GRM1: variants seen among roughly 807,000 people sequenced by gnomAD.
GRM1 encodes metabotropic glutamate receptor 1.
Under a neutral mutation model 90.9 loss-of-function variants are expected in GRM1, and 33 were observed. The ratio of observed to expected loss-of-function variants is 0.36; its 90% CI spans 0.28 to 0.49. The LOEUF (loss-of-function observed/expected upper bound fraction) is 0.49. GRM1 is among the 20% of genes least tolerant of loss of function. The pLI is 0.99. For synonymous variants in GRM1, 700 were observed against 613.2 expected, an observed-to-expected ratio of 1.14 and a Z score of -2.09; for missense variants, 1,190 against 1,534.3, an observed-to-expected ratio of 0.78 and a Z score of 3.75.
chr6:146,076,704 G>A (rs1194093194), intron 1 of GRM1, among the ~76,000 whole-genome samples: 1 of 152,140 alleles, frequency 6.6e-6, no homozygotes, highest in East Asian at 1.9e-4. Context: ...GGAGAGGTTG[G>A]ATGGTCAGTT....
At chr6:146,336,763 C>A (rs1784783934) in intron 3 of GRM1, among the ~76,000 whole-genome samples, 1 of 152,190 alleles carries the variant, frequency 6.6e-6, no homozygotes, top group African/African-American at 2.4e-5. Context: ...GACACAGTCC[C>A]ATCTTGAACC....
At chr6:146,062,673 A>G (rs1412912790) in intron 1 of GRM1, among the ~76,000 whole-genome samples, 1 of 151,354 alleles carries the variant, frequency 6.6e-6, no homozygotes, top group Non-Finnish European at 1.5e-5. Context: ...TTTGTTCTGT[A>G]TTCAGGTTTC....
At chr6:146,035,026 G>A (rs1178454090) in intron 1 of GRM1, among the ~76,000 whole-genome samples, 1 of 151,918 alleles carries the variant, frequency 6.6e-6, no homozygotes, top group African/African-American at 2.4e-5. Flanking sequence ...GGAACTGAAA[G>A]AATGTATTAG....
chr6:146,197,267 A>G (rs1779154187), intron 2 of GRM1, among the ~76,000 whole-genome samples: 2 of 152,210 alleles, frequency 1.3e-5, no homozygotes, highest in South Asian at 2.1e-4. Flanking sequence ...GTCTTATTGA[A>G]AAAAGGATCC....
chr6:146,372,352 T>C (rs1037753969), intron 5 of GRM1, among the ~76,000 whole-genome samples: 11 of 152,138 alleles, frequency 7.2e-5, no homozygotes, highest in Admixed American at 6.6e-4. Context: ...CCTTATACAT[T>C]CTGGTTATTA....
chr6:146,168,292 T>C (rs996389858), intron 2 of GRM1, among the ~76,000 whole-genome samples: 3 of 152,050 alleles, frequency 2.0e-5, no homozygotes, highest in South Asian at 2.1e-4. Context: ...GTTTAAAATA[T>C]ACTTCTTTAC....
chr6:146,427,598 G>A (rs1778257414), intron 7 of GRM1, among the ~76,000 whole-genome samples: 1 of 152,158 alleles, frequency 6.6e-6, no homozygotes, highest in Admixed American at 6.5e-5. Flanking sequence ...GAGTGCAATG[G>A]GAAGTCTGTT....
intron 1 of GRM1, among the ~76,000 whole-genome samples, chr6:146,043,690 T>C (rs577228350): frequency 1.3e-5 from 2 of 150,882 alleles, no homozygotes; most frequent in Non-Finnish European, 3.0e-5. Flanking sequence ...TGTGCATAGA[T>C]ACTAGCTTCT....
At chr6:146,310,588 G>C (rs575144012) in intron 3 of GRM1, among the ~76,000 whole-genome samples, 4 of 152,074 alleles carry the variant, frequency 2.6e-5, no homozygotes, top group Non-Finnish European at 4.4e-5. Flanking sequence ...ATCTCTCCTC[G>C]AGAGGTAGAG....
intron 5 of GRM1, among the ~76,000 whole-genome samples, chr6:146,383,819 TAGAG>T (rs1282516262): frequency 2.0e-5 from 3 of 152,108 alleles, no homozygotes; most frequent in African/African-American, 4.8e-5. Flanking sequence ...TTTATTGTGT[TAGAG>T]AGGAACTTCT....
intron 1 of GRM1, among the ~76,000 whole-genome samples, chr6:146,061,387 A>G (rs1346766521): frequency 6.6e-6 from 1 of 152,126 alleles, no homozygotes; most frequent in Non-Finnish European, 1.5e-5. Flanking sequence ...GTGTTTGCAC[A>G]TTGATTTATT....
At chr6:146,227,062 C>A in intron 2 of GRM1, among the ~76,000 whole-genome samples, 1 of 152,160 alleles carries the variant, frequency 6.6e-6, no homozygotes, top group Non-Finnish European at 1.5e-5. Context: ...TTTATTATAT[C>A]ATTTCACTAA....
intron 7 of GRM1, among the ~76,000 whole-genome samples, chr6:146,430,888 T>C (rs1381345900): frequency 6.6e-6 from 1 of 152,212 alleles, no homozygotes; most frequent in African/African-American, 2.4e-5. Flanking sequence ...CTCTTTATCA[T>C]AACAGCATCT....
intron 1 of GRM1, among the ~76,000 whole-genome samples, chr6:146,122,218 C>A (rs1223147210): frequency 6.6e-6 from 1 of 152,066 alleles, no homozygotes; most frequent in Non-Finnish European, 1.5e-5. Context: ...GTCTTTGCCC[C>A]CTTCTAGGCT....
At chr6:146,268,199 A>G (rs146400464) in intron 2 of GRM1, among the ~76,000 whole-genome samples, 1,553 of 152,300 alleles carry the variant, frequency 0.01, 21 homozygotes, top group African/African-American at 0.036. Context: ...AGTAAGGTGT[A>G]AGTAATTGAC....
intron 1 of GRM1, among the ~76,000 whole-genome samples, chr6:146,057,828 C>A (rs551669839): frequency 6.6e-6 from 1 of 152,082 alleles, no homozygotes; most frequent in South Asian, 2.1e-4. Flanking sequence ...CTGAAGAACT[C>A]TAAAGAAGAT....
chr6:146,330,242 C>G (rs556966792), intron 3 of GRM1, among the ~76,000 whole-genome samples: 1 of 152,110 alleles, frequency 6.6e-6, no homozygotes, highest in South Asian at 2.1e-4. Flanking sequence ...TTTCTTTTTT[C>G]TTGTTAAATG....
chr6:146,320,437 G>A (rs1218311956), intron 3 of GRM1, among the ~76,000 whole-genome samples: 6 of 152,002 alleles, frequency 3.9e-5, no homozygotes, highest in African/African-American at 1.5e-4. Flanking sequence ...TTTTTTTGTT[G>A]TGTCTCTGCC....
intron 1 of GRM1, among the ~76,000 whole-genome samples, chr6:146,138,637 C>T (rs545032251): frequency 3.8e-4 from 58 of 152,090 alleles, no homozygotes; most frequent in African/African-American, 1.4e-3. Context: ...TTATTTATTT[C>T]TTCTAGGTTG....
Sources: allele counts gnomAD v4.1 joint callset (sites outside exome capture counted in the v4.1 genomes callset), GRCh38; gene constraint gnomAD v4.1.1; transcripts MANE v1.5; gene names NCBI Gene and HGNC (gene_info 2026-07-23, HGNC 2026-07-21).